The following RHOQ variants were observed in gnomAD, a reference collection of about 807,000 sequenced individuals.
RHOQ encodes ras homolog family member Q.
Under a neutral mutation model 25.8 loss-of-function variants are expected in RHOQ, and 7 were observed. The ratio of observed to expected loss-of-function variants is 0.27; its 90% CI spans 0.15 to 0.51. The LOEUF is 0.51. Among genes scored for constraint, RHOQ ranks in the 20% least tolerant of loss-of-function variants. RHOQ has a pLI of 0.97. For missense variants in RHOQ, 165 were observed against 260.6 expected, an observed-to-expected ratio of 0.63 and a Z score of 2.53; for synonymous variants, 97 against 98.6, an observed-to-expected ratio of 0.98 and a Z score of 0.10.
rs1016972511 is a variant in RHOQ at position 46,555,311 on chromosome 2, C to G, written c.201+11499C>G. Among the ~76,000 whole-genome samples the G allele has an allele frequency of 2.0e-4, 30 of 152,208 alleles. No homozygotes were observed. The highest frequency in any genetic ancestry group is 5.3e-4 in the African/African-American group (22 of 41,446). On this transcript the variant is annotated intron_variant, in intron 2 of 4. Transcript: ENST00000238738. This position sits in a 1 kb window ranked among gnomAD's most constrained non-coding sequence, Gnocchi z 4.3. The stretch of plus-strand genomic sequence containing the variant: ...TTTTATTCATGTGTAAATCTTTGCT[C>G]CCCATGCAGATTGTAAACTCTTCCC...
intron 2 of RHOQ, chr2:46,568,167 A>C (rs1668794025): frequency 6.6e-6 from 1 of 152,226 alleles, no homozygotes; most frequent in Non-Finnish European, 1.5e-5. Flanking sequence ...GCGATTATAA[A>C]AGGTGTTCCA....
At chr2:46,562,227 A>G (rs1161829644) in intron 2 of RHOQ, among the ~76,000 whole-genome samples, 1 of 152,232 alleles carries the variant, frequency 6.6e-6, no homozygotes, top group Non-Finnish European at 1.5e-5. Context: ...CAACTGCTCC[A>G]GTGATAGTTT....
At chr2:46,573,171 C>A (rs1295522186) in intron 2 of RHOQ, among the ~76,000 whole-genome samples, 1 of 151,404 alleles carries the variant, frequency 6.6e-6, no homozygotes. Flanking sequence ...TCAAGTGATT[C>A]TCCTGCCTCA....
chr2:46,551,271 T>C (rs1203123439), intron 2 of RHOQ, among the ~76,000 whole-genome samples: 5 of 152,202 alleles, frequency 3.3e-5, no homozygotes, highest in Admixed American at 3.3e-4. Flanking sequence ...GCTCAGGTTG[T>C]CCTAGCTTGA....
At chr2:46,549,743 C>T (rs182277979) in intron 2 of RHOQ, among the ~76,000 whole-genome samples, 132 of 152,276 alleles carry the variant, frequency 8.7e-4, no homozygotes, top group Middle Eastern at 3.4e-3. Flanking sequence ...TTTGCATGTA[C>T]GGAGGCTGGG....
intron 2 of RHOQ, among the ~76,000 whole-genome samples, chr2:46,545,637 G>T (rs760925050): frequency 6.6e-6 from 1 of 152,204 alleles, no homozygotes; most frequent in Non-Finnish European, 1.5e-5. Context: ...CTACTGAGGG[G>T]TGTTGCTAGG....
chr2:46,559,198 G>A lies in RHOQ; in HGVS notation c.201+15386G>A, dbSNP rs553813377. On this transcript the variant is annotated intron_variant, in intron 2 of 4. Coordinates refer to ENST00000238738, the MANE Select transcript of RHOQ (RefSeq NM_012249.4). The stretch of plus-strand genomic sequence containing the variant: ...TTTGGTAGAGAGGAAGTTTTGCCAT[G>A]TTGTCCAAGCTGGTCTTGAACTCCT... 7.9e-5 allele frequency among the ~76,000 whole-genome samples: 12 copies of A among 152,208 alleles called. No individual in the cohort carries two copies. The East Asian group carries it at 2.3e-3, about 29-fold the overall frequency.
At chr2:46,572,107 G>GGT (rs1668937347) in intron 2 of RHOQ, among the ~76,000 whole-genome samples, 1 of 66,254 alleles carries the variant, frequency 1.5e-5, no homozygotes, top group Non-Finnish European at 2.7e-5. Context: ...GTAAGTGTGT[G>GGT]TTTTTTTTTT....
At chr2:46,551,700 A>C (rs73927893) in intron 2 of RHOQ, among the ~76,000 whole-genome samples, 13 of 152,118 alleles carry the variant, frequency 8.5e-5, no homozygotes, top group African/African-American at 2.9e-4. Flanking sequence ...TTTTGAGTGA[A>C]TGGTGAGAGC....
chr2:46,560,238 C>G (rs1194776059), intron 2 of RHOQ, among the ~76,000 whole-genome samples: 1 of 152,084 alleles, frequency 6.6e-6, no homozygotes, highest in African/African-American at 2.4e-5. Context: ...TAAGTAAGTT[C>G]CACTTGTTTT....
At chr2:46,571,566 G>A (rs1052849149) in intron 2 of RHOQ, among the ~76,000 whole-genome samples, 4 of 152,208 alleles carry the variant, frequency 2.6e-5, no homozygotes, top group Non-Finnish European at 5.9e-5. Flanking sequence ...TGGGCACATA[G>A]TAGGTGCTTA....
rs773274949 is a variant in RHOQ, at chr2:46,576,045, T to A, written c.202-42T>A. 5.8e-5 allele frequency: 89 copies of A among 1,537,054 alleles called. No individual in the cohort carries two copies. Among genetic ancestry groups the A allele is most frequent in the Non-Finnish European group, 7.6e-5 (87 of 1,140,532 alleles). On this transcript the variant is annotated intron_variant, in intron 2 of 4. Coordinates refer to ENST00000238738, the MANE Select transcript of RHOQ (RefSeq NM_012249.4). The surrounding 1 kb of genome is among the most constrained non-coding windows in gnomAD (Gnocchi z 5.1). ...TAATGTACATATTACTAGTAAACAA[T>A]AGAAATGTAAATACATAATGAGGCT...
intron 2 of RHOQ, among the ~76,000 whole-genome samples, chr2:46,554,416 G>A (rs1173063110): frequency 6.6e-6 from 1 of 152,172 alleles, no homozygotes; most frequent in African/African-American, 2.4e-5. Flanking sequence ...TCTTGATGCG[G>A]CCTAAACACC....
At chr2:46,554,773 AT>A (rs1169066119) in intron 2 of RHOQ, among the ~76,000 whole-genome samples, 1 of 125,440 alleles carries the variant, frequency 8.0e-6, no homozygotes, top group East Asian at 2.3e-4. Flanking sequence ...GCTCTTTTAC[AT>A]TTTTTTCTTT....
At position 46,543,744 on chromosome 2, in the gene RHOQ, G is replaced by A; in HGVS notation, c.143-10G>A. The stretch of plus-strand genomic sequence containing the variant: ...AGCTTCTCTCCCCGCCCCCACTTCT[G>A]TCCTTGCAGTCAGCGTCACCGTGGG... On this transcript the variant is annotated splice_polypyrimidine_tract_variant and intron_variant, in intron 1 of 4. Coordinates refer to ENST00000238738, the MANE Select transcript of RHOQ (RefSeq NM_012249.4). 1.2e-6 allele frequency: 2 copies of A among 1,613,120 alleles called. No individual in the cohort carries two copies. Among genetic ancestry groups the A allele is most frequent in the Non-Finnish European group, 1.7e-6 (2 of 1,179,576 alleles).
chr2:46,543,843 C>G (rs1214403576), intron 2 of RHOQ, 31 bp downstream of exon 2: 3 of 1,596,706 alleles, frequency 1.9e-6, no homozygotes, highest in East Asian at 2.2e-5. Flanking sequence ...CCGACGCCCC[C>G]CTCCTGTTCC....
Position 46,543,751 on chromosome 2 carries a change from C to T in RHOQ, c.143-3C>T. The T allele has an allele frequency of 6.2e-7, 1 of 1,613,382 alleles. No individual in the cohort carries two copies. The highest frequency in any genetic ancestry group is 8.5e-7 in the Non-Finnish European group (1 of 1,179,686). The stretch of plus-strand genomic sequence containing the variant: ...CTCCCCGCCCCCACTTCTGTCCTTG[C>T]AGTCAGCGTCACCGTGGGGGGCAAG... On this transcript the variant is annotated splice_region_variant and splice_polypyrimidine_tract_variant and intron_variant, in intron 1 of 4. Transcript: ENST00000238738.
chr2:46,579,273 G>T (rs1669254647), intron 4 of RHOQ, among the ~76,000 whole-genome samples: 1 of 152,080 alleles, frequency 6.6e-6, no homozygotes, highest in African/African-American at 2.4e-5. Context: ...TTGGTCCCTG[G>T]TTGGAGGGCC....
intron 1 of RHOQ, 104 bp downstream of exon 1, chr2:46,543,292 C>A: frequency 7.6e-7 from 1 of 1,323,370 alleles, no homozygotes; most frequent in Non-Finnish European, 1.1e-6. Context: ...CACTCCTCTC[C>A]CCTCCCCCGC....
Sources: allele counts gnomAD v4.1 joint callset (sites outside exome capture counted in the v4.1 genomes callset), GRCh38; gene constraint gnomAD v4.1.1; non-coding constraint Gnocchi (gnomAD v3.1); transcripts MANE v1.5; gene names NCBI Gene and HGNC (gene_info 2026-07-23, HGNC 2026-07-21).